Variants in NMI observed in about 807,000 individuals in gnomAD.
NMI encodes N-myc-interactor.
NMI carries 39 observed loss-of-function variants against 34.3 expected under a neutral mutation model. The observed-to-expected ratio is 1.14, with a 90% confidence interval of 0.88 to 1.49. The LOEUF (loss-of-function observed/expected upper bound fraction) is 1.49, where lower values mean the gene tolerates loss of function less well. Ranked by LOEUF, NMI falls within the 40% of genes most tolerant of loss-of-function variation. The pLI is 0.00. For synonymous variants in NMI, 113 were observed against 120.3 expected, an observed-to-expected ratio of 0.94 and a Z score of 0.40; for missense variants, 339 against 358.1, an observed-to-expected ratio of 0.95 and a Z score of 0.43.
chr2:151,273,222 A>C (rs1173494922), intron 6 of NMI, among the ~76,000 whole-genome samples: 1 of 152,120 alleles, frequency 6.6e-6, no homozygotes, highest in African/African-American at 2.4e-5. Context: ...GACTTCTTAA[A>C]GCCTCAGTTT....
intron 1 of NMI, 33 bp downstream of exon 1, chr2:151,289,560 G>C (rs1683582782): frequency 6.6e-6 from 1 of 152,232 alleles, no homozygotes; most frequent in African/African-American, 2.4e-5. Flanking sequence ...CCAGCGGCGG[G>C]AGTGGCAGCC....
intron 1 of NMI, among the ~76,000 whole-genome samples, chr2:151,287,712 AT>A (rs1178175951): frequency 6.6e-6 from 1 of 151,776 alleles, no homozygotes; most frequent in East Asian, 1.9e-4. Flanking sequence ...TACCTATGTC[AT>A]TTTCCGTGAC....
At chr2:151,280,377 T>G (rs1236703557) in intron 3 of NMI, among the ~76,000 whole-genome samples, 2 of 152,192 alleles carry the variant, frequency 1.3e-5, no homozygotes, top group African/African-American at 2.4e-5. Context: ...AAATATTCAG[T>G]GAGTCATTCA....
rs748662858 is a variant in NMI at position 151,282,060 on chromosome 2, G to C, written c.82-17C>G. 2.6e-6 allele frequency: 3 copies of C among 1,133,152 alleles called. No homozygotes were observed. Among genetic ancestry groups the C allele is most frequent in the African/African-American group, 3.1e-5 (2 of 63,832 alleles). The allele number at this position is 1,133,152 out of a possible 1,614,324, so 70.2% of individuals were successfully genotyped here. On this transcript the variant is annotated splice_polypyrimidine_tract_variant and intron_variant, in intron 2 of 7. Coordinates refer to ENST00000243346, the MANE Select transcript of NMI (RefSeq NM_004688.3). ...AATTAGTCCCTTAAAAATATCAAAT[G>C]GTACCAAAGAAAGTAAATAGCCCCT...
At chr2:151,289,555 G>C (rs918578900) in intron 1 of NMI, 38 bp downstream of exon 1, 1 of 152,178 alleles carries the variant, frequency 6.6e-6, no homozygotes, top group Non-Finnish European at 1.5e-5. Flanking sequence ...GACTGCCAGC[G>C]GCGGGAGTGG....
chr2:151,274,765 C>T (rs1295768489), intron 6 of NMI, among the ~76,000 whole-genome samples: 1 of 151,372 alleles, frequency 6.6e-6, no homozygotes, highest in Admixed American at 6.6e-5. Context: ...CATGAGCCAC[C>T]GGGCCCGGCC....
At chr2:151,285,804 T>C (rs914104921) in intron 1 of NMI, among the ~76,000 whole-genome samples, 5 of 151,996 alleles carry the variant, frequency 3.3e-5, no homozygotes, top group East Asian at 3.9e-4. Context: ...AAAACCAGGA[T>C]AGAAAAACTG....
At chr2:151,274,272 A>G (rs796350610) in intron 6 of NMI, among the ~76,000 whole-genome samples, 7 of 132,418 alleles carry the variant, frequency 5.3e-5, no homozygotes, top group Middle Eastern at 4.6e-3. Context: ...GAACCCGGGA[A>G]GCGGAGGTTG....
intron 6 of NMI, among the ~76,000 whole-genome samples, chr2:151,274,794 TA>T (rs1268689254): frequency 6.6e-6 from 1 of 151,590 alleles, no homozygotes; most frequent in East Asian, 2.0e-4. Context: ...TCATTTTTAC[TA>T]AATGTTTGCT....
At chr2:151,287,957 T>C (rs1683533507) in intron 1 of NMI, among the ~76,000 whole-genome samples, 1 of 152,208 alleles carries the variant, frequency 6.6e-6, no homozygotes, top group African/African-American at 2.4e-5. Context: ...TTTATTATTG[T>C]GACAATGCCA....
intron 3 of NMI, among the ~76,000 whole-genome samples, chr2:151,279,407 G>T (rs1207723873): frequency 1.3e-5 from 2 of 152,120 alleles, no homozygotes; most frequent in African/African-American, 4.8e-5. Flanking sequence ...ATAGTGTTGG[G>T]TATAATATGG....
chr2:151,271,755 A>G (rs1683191773), intron 6 of NMI, 23 bp from the exon 7 acceptor site: 2 of 1,162,158 alleles, frequency 1.7e-6, no homozygotes, highest in African/African-American at 1.5e-5. Context: ...CAAAAACAAT[A>G]CTTGTCTTTT....
Position 151,272,432 on chromosome 2 carries a change from T to G in NMI, c.635-700A>C, listed in dbSNP as rs146863111. Among the ~76,000 whole-genome samples the G allele has an allele frequency of 5.2e-3, 784 of 152,172 alleles. 14 individuals carry two copies. The highest frequency in any genetic ancestry group is 0.018 in the African/African-American group (758 of 41,504). On this transcript the variant is annotated intron_variant, in intron 6 of 7. Coordinates refer to ENST00000243346, the MANE Select transcript of NMI (RefSeq NM_004688.3). ...AATGATTAAGAGTGTAGGCCCTCAT[T>G]GGCGAGAATATGGAGAAATTGAAAC... is the stretch of plus-strand genomic sequence containing the variant.
At position 151,283,095 on chromosome 2, in the gene NMI, T is replaced by C. The variant is rs1573747269; in HGVS notation, c.-6-141A>G. 2.3e-5 allele frequency: 10 copies of C among 443,314 alleles called. No homozygotes were observed. The East Asian group carries it at 3.4e-4, about 15-fold the overall frequency. The allele number at this position is 443,314 out of a possible 1,614,324, so 27.5% of individuals were successfully genotyped here. On this transcript the variant is annotated intron_variant, in intron 1 of 7. Coordinates refer to ENST00000243346, the MANE Select transcript of NMI (RefSeq NM_004688.3). ...TTTTTCCCATCATCAAAGGCTTTAT[T>C]ATCATATGGCTTATATCCAAACAAA... is the stretch of plus-strand genomic sequence containing the variant.
intron 1 of NMI, among the ~76,000 whole-genome samples, chr2:151,284,896 T>C (rs1179022601): frequency 6.6e-6 from 1 of 152,144 alleles, no homozygotes; most frequent in Non-Finnish European, 1.5e-5. Context: ...AGCAAAAACT[T>C]AGCTATGTCT....
chr2:151,278,831 C>T lies in NMI; in HGVS notation c.337G>A (p.Glu113Lys). 1 of 1,612,362 alleles carries T rather than the reference C, an allele frequency of 6.2e-7. No homozygotes were observed. The highest frequency in any genetic ancestry group is 1.1e-5 in the South Asian group (1 of 90,940). Reference sequence around the variant, plus strand: ...TATTTTTTAACATTAGTCATACCTTCTTCTTTTTCAAAGGTGATAAGTGCT... The same window carrying T: ...TATTTTTTAACATTAGTCATACCTTTTTCTTTTTCAAAGGTGATAAGTGCT... ...GQALITFEKE[E>K]VAQNVVSMSK... is the part of the protein sequence containing the mutation. Residue 113 changes from glutamate to lysine, a missense_variant, in exon 4 of 8, where the codon GAA becomes AAA. By Grantham distance (56) the Glu-to-Lys change is moderately conservative. Coordinates refer to ENST00000243346, the MANE Select transcript of NMI (RefSeq NM_004688.3).
At chr2:151,280,547 C>G (rs1478053242) in intron 3 of NMI, among the ~76,000 whole-genome samples, 1 of 152,204 alleles carries the variant, frequency 6.6e-6, no homozygotes, top group Non-Finnish European at 1.5e-5. Flanking sequence ...CAAGGGCTTT[C>G]TGAAATTAGA....
At chr2:151,286,796 A>AC (rs1005992736) in intron 1 of NMI, among the ~76,000 whole-genome samples, 5 of 151,898 alleles carry the variant, frequency 3.3e-5, no homozygotes, top group Non-Finnish European at 7.4e-5. Context: ...TCATTTACTA[A>AC]CCCCCTATAA....
chr2:151,270,772 C>G lies in NMI; in HGVS notation c.845G>C (p.Arg282Pro), dbSNP rs377424473. 1 of 1,613,962 alleles carries G rather than the reference C, an allele frequency of 6.2e-7. No individual in the cohort carries two copies. The highest frequency in any genetic ancestry group is 8.5e-7 in the Non-Finnish European group (1 of 1,179,920). Residue 282 changes from arginine (R) to proline (P), a missense_variant, in exon 8 of 8, where the codon CGG becomes CCG. Physicochemically the swap from Arg to Pro is moderately radical, Grantham distance 103. Coordinates refer to ENST00000243346, the MANE Select transcript of NMI (RefSeq NM_004688.3). ...TACTTCTCCACCTCCATTCTTTGCC[C>G]GTTGAAAGTGAATGTTAATTAAATC... is the stretch of plus-strand genomic sequence containing the variant. ...VEDLINIHFQ[R>P]AKNGGGEVDV...
Sources: gnomAD v4.1 joint callset for allele counts (sites outside exome capture counted in the v4.1 genomes callset) on GRCh38, gnomAD v4.1.1 for gene constraint, MANE v1.5 for transcripts, NCBI Gene and HGNC (gene_info 2026-07-23, HGNC 2026-07-21) for gene names.